Variants in PCDHAC2 observed in about 807,000 individuals in gnomAD.
PCDHAC2 encodes protocadherin alpha-C2.
Under a neutral mutation model 63.3 loss-of-function variants are expected in PCDHAC2, and 24 were observed. The observed-to-expected ratio is 0.38, with a 90% CI of 0.27 to 0.53. The LOEUF (loss-of-function observed/expected upper bound fraction) is 0.53. Ranked by LOEUF, PCDHAC2 falls within the 20% of genes least tolerant of loss-of-function variation. The pLI, the probability that PCDHAC2 is intolerant of heterozygous loss-of-function variation, is 0.81. For missense variants in PCDHAC2, 1,181 were observed against 1,275.2 expected (o/e 0.93, Z 1.12); for synonymous variants, 569 against 529.4 (o/e 1.07, Z -1.03).
chr5:140,976,743 C>A (rs782329745), intron 1 of PCDHAC2, among the ~76,000 whole-genome samples: 16 of 152,116 alleles, frequency 1.1e-4, no homozygotes, highest in Non-Finnish European at 1.5e-4. Context: ...ATTTTAAAAA[C>A]CTCCCAGATG....
chr5:140,979,058 C>A, intron 2 of PCDHAC2, 51 bp downstream of exon 2: 3 of 1,606,096 alleles, frequency 1.9e-6, no homozygotes, highest in Non-Finnish European at 2.6e-6. Context: ...CTTGGTATGG[C>A]TCAGATAAAC....
chr5:141,008,540 T>C (rs1435875214), intron 3 of PCDHAC2, among the ~76,000 whole-genome samples: 2 of 152,190 alleles, frequency 1.3e-5, no homozygotes, highest in African/African-American at 4.8e-5. Context: ...ATGTCTTTTA[T>C]TGAAAACTCC....
intron 3 of PCDHAC2, among the ~76,000 whole-genome samples, chr5:140,986,846 A>G (rs782028314): frequency 6.6e-6 from 1 of 152,200 alleles, no homozygotes; most frequent in Non-Finnish European, 1.5e-5. Flanking sequence ...AAGGGGCAGC[A>G]ACACCAACAA....
intron 3 of PCDHAC2, among the ~76,000 whole-genome samples, chr5:141,008,816 C>T (rs2098391999): frequency 6.6e-6 from 1 of 152,190 alleles, no homozygotes; most frequent in African/African-American, 2.4e-5. Context: ...GCTCAATTTA[C>T]AACAGGATTC....
intron 2 of PCDHAC2, 171 bp from the exon 3 acceptor site, chr5:140,982,304 C>G: frequency 8.0e-7 from 1 of 1,244,768 alleles, no homozygotes. Context: ...AGCAATGCTT[C>G]TGCAGTTTAT....
intron 3 of PCDHAC2, among the ~76,000 whole-genome samples, chr5:141,005,506 A>G (rs1462164149): frequency 1.3e-5 from 2 of 151,786 alleles, no homozygotes; most frequent in East Asian, 3.9e-4. Flanking sequence ...GATCGAGACC[A>G]TCCTGGCTAA....
chr5:140,966,561 G>C lies in PCDHAC2; in HGVS notation c.-206G>C, dbSNP rs2153747879. ...GACTCGGAGGCGAGCGGAGGAGCTG[G>C]AATATGGGGAGTCAGCGAGGACGGT... On this transcript the variant is annotated 5_prime_UTR_variant, in exon 1 of 4. Coordinates refer to ENST00000289269, the MANE Select transcript of PCDHAC2 (RefSeq NM_018899.6). 2.0e-6 allele frequency: 1 copy of C among 488,962 alleles called. No homozygotes were observed. Among genetic ancestry groups the C allele is most frequent in the Non-Finnish European group, 3.4e-6 (1 of 290,634 alleles). 30.3% of individuals were successfully genotyped at this position (488,962 alleles called of 1,614,324 possible).
chr5:141,009,482 C>A, intron 3 of PCDHAC2, 145 bp from the exon 4 acceptor site: 1 of 1,446,086 alleles, frequency 6.9e-7, no homozygotes, highest in Non-Finnish European at 9.1e-7. Flanking sequence ...TAAACACTTG[C>A]CTTGCCCTCA....
chr5:141,005,662 A>G (rs2098227817), intron 3 of PCDHAC2, among the ~76,000 whole-genome samples: 1 of 138,324 alleles, frequency 7.2e-6, no homozygotes, highest in East Asian at 2.2e-4. Context: ...AGATCGCGCC[A>G]CTGCACTCCA....
Position 140,982,498 on chromosome 5 carries a change from G to A in PCDHAC2, c.2648G>A (p.Gly883Asp), listed in dbSNP as rs782347331. The change falls in exon 3 of 4, where the codon GGC becomes GAC. Residue 883 changes from glycine to aspartate, a missense_variant. By Grantham distance (94) the Gly-to-Asp change is moderately conservative. Transcript: ENST00000289269. ...AGCTCTGTGCACCTAGAGGAGGCTG[G>A]CATTCTACGGGCTGGTCCAGGAGGG... Reference protein sequence around the residue: ...MHSSVHLEEAGILRAGPGGPD... With the variant: ...MHSSVHLEEADILRAGPGGPD... 6 of 1,614,062 alleles carry A rather than the reference G, an allele frequency of 3.7e-6. No homozygotes were observed. The Admixed American group carries it at 5.0e-5, about 13-fold the overall frequency.
chr5:141,004,148 C>T (rs971282591), intron 3 of PCDHAC2, among the ~76,000 whole-genome samples: 1 of 152,222 alleles, frequency 6.6e-6, no homozygotes, highest in African/African-American at 2.4e-5. Context: ...AAAGGCATGA[C>T]ATTTTATAGG....
chr5:140,967,518 A>T lies in PCDHAC2; in HGVS notation c.752A>T (p.Asn251Ile), dbSNP rs1554229639. The change falls in exon 1 of 4, where the codon AAC (asparagine) becomes ATC (isoleucine). Residue 251 changes from asparagine to isoleucine, a missense_variant. By Grantham distance (149) the Asn-to-Ile change is moderately radical. Around this residue, in one of 3 missense-constraint regions of PCDHAC2, gnomAD observed 968 missense variants for 1,073.5 expected, o/e 0.90. Coordinates refer to ENST00000289269, the MANE Select transcript of PCDHAC2 (RefSeq NM_018899.6). ...AQISVRVLDTNDNSPAFDQST... is the reference protein window; with the variant it reads ...AQISVRVLDTIDNSPAFDQST... Reference sequence around the variant, plus strand: ...ATCTCTGTGCGTGTCCTGGACACTAACGACAACTCTCCTGCCTTTGACCAG... The same window carrying T: ...ATCTCTGTGCGTGTCCTGGACACTATCGACAACTCTCCTGCCTTTGACCAG... The T allele has an allele frequency of 6.2e-7, 1 of 1,612,930 alleles. No individual in the cohort carries two copies. The highest frequency in any genetic ancestry group is 8.5e-7 in the Non-Finnish European group (1 of 1,179,144).
chr5:140,966,670 G>C lies in PCDHAC2; in HGVS notation c.-97G>C. 7.8e-7 allele frequency: 1 copy of C among 1,283,064 alleles called. No individual in the cohort carries two copies. Among genetic ancestry groups the C allele is most frequent in the Non-Finnish European group, 1.0e-6 (1 of 990,726 alleles). The allele number at this position is 1,283,064 out of a possible 1,614,324, so 79.5% of individuals were successfully genotyped here. A position where few individuals can be genotyped will look rare whatever the true frequency, so the allele number is the denominator to read the frequency against. On this transcript the variant is annotated 5_prime_UTR_variant, in exon 1 of 4. Transcript: ENST00000289269. Reference sequence around the variant, plus strand: ...CGTGAGCGGTGGGGGAGCAGGCGCAGGGTGGCACGAGCGGAGGCGGGGCCC... The same window carrying C: ...CGTGAGCGGTGGGGGAGCAGGCGCACGGTGGCACGAGCGGAGGCGGGGCCC...
At chr5:141,006,553 G>A (rs1554260809) in intron 3 of PCDHAC2, among the ~76,000 whole-genome samples, 1 of 152,168 alleles carries the variant, frequency 6.6e-6, no homozygotes, top group African/African-American at 2.4e-5. Context: ...AAGAAATAAA[G>A]ATGACTCTGG....
At chr5:140,999,240 G>A (rs193018375) in intron 3 of PCDHAC2, among the ~76,000 whole-genome samples, 1 of 152,340 alleles carries the variant, frequency 6.6e-6, no homozygotes, top group Non-Finnish European at 1.5e-5. Context: ...GGTGGTTAAA[G>A]TGGGAGTTGG....
At chr5:140,996,695 A>G (rs1207094122) in intron 3 of PCDHAC2, among the ~76,000 whole-genome samples, 1 of 152,088 alleles carries the variant, frequency 6.6e-6, no homozygotes, top group East Asian at 1.9e-4. Context: ...ATTCTTCTGA[A>G]CCTCTATCTC....
chr5:140,979,807 A>T (rs376087021), intron 2 of PCDHAC2, among the ~76,000 whole-genome samples: 2 of 152,258 alleles, frequency 1.3e-5, no homozygotes, highest in African/African-American at 4.8e-5. Flanking sequence ...CACAACTATC[A>T]AAAGGATTTA....
At chr5:141,002,052 G>GGCA (rs1217531547) in intron 3 of PCDHAC2, among the ~76,000 whole-genome samples, 1 of 152,206 alleles carries the variant, frequency 6.6e-6, no homozygotes, top group Non-Finnish European at 1.5e-5. Flanking sequence ...GGCATCCAGA[G>GGCA]GCAGCAGCAG....
chr5:140,981,141 A>G (rs957272254), intron 2 of PCDHAC2, among the ~76,000 whole-genome samples: 2 of 152,242 alleles, frequency 1.3e-5, no homozygotes, highest in African/African-American at 4.8e-5. Flanking sequence ...AAAGAGTGAG[A>G]AAACATTGAA....
Sources: allele counts gnomAD v4.1 joint callset (sites outside exome capture counted in the v4.1 genomes callset), GRCh38; gene constraint gnomAD v4.1.1; regional missense constraint gnomAD v4.1.1; transcripts MANE v1.5; gene names NCBI Gene and HGNC (gene_info 2026-07-23, HGNC 2026-07-21).